Variants in CALD1 observed in about 807,000 individuals in gnomAD.
CALD1 encodes caldesmon 1.
Under a neutral mutation model 99.9 loss-of-function variants are expected in CALD1, and 33 were observed. The ratio of observed to expected loss-of-function variants is 0.33; its 90% CI spans 0.25 to 0.44. The LOEUF (loss-of-function observed/expected upper bound fraction) is 0.44. Among genes scored for constraint, CALD1 ranks in the 20% least tolerant of loss-of-function variants. The pLI is 1.00. For synonymous variants in CALD1, 310 were observed against 325.0 expected (o/e 0.95, Z 0.50); for missense variants, 861 against 962.1 (o/e 0.89, Z 1.39).
intron 1 of CALD1, among the ~76,000 whole-genome samples, chr7:134,834,473 G>C (rs1028170988): frequency 6.6e-6 from 1 of 152,180 alleles, no homozygotes; most frequent in Non-Finnish European, 1.5e-5. Flanking sequence ...GCAGAATGGT[G>C]TTCTACAAAA....
intron 1 of CALD1, among the ~76,000 whole-genome samples, chr7:134,782,256 C>T (rs893926078): frequency 1.3e-5 from 2 of 152,066 alleles, no homozygotes; most frequent in Non-Finnish European, 2.9e-5. Flanking sequence ...GGTCGGGGGA[C>T]AGGAAAAATG....
chr7:134,780,119 C>T (rs1222721880), intron 1 of CALD1, among the ~76,000 whole-genome samples: 2 of 152,230 alleles, frequency 1.3e-5, no homozygotes, highest in East Asian at 3.8e-4. Context: ...CACACAGTCT[C>T]TTCTGCATCT....
chr7:134,907,519 T>A (rs1803481191), intron 3 of CALD1, among the ~76,000 whole-genome samples: 1 of 152,164 alleles, frequency 6.6e-6, no homozygotes, highest in African/African-American at 2.4e-5. Context: ...TTCTTAAAAG[T>A]AAGACTAGGT....
chr7:134,875,715 A>G (rs966243338), intron 3 of CALD1, among the ~76,000 whole-genome samples: 5 of 152,240 alleles, frequency 3.3e-5, no homozygotes, highest in African/African-American at 9.6e-5. Context: ...TGAACTAAGG[A>G]AAGTCCTGCA....
chr7:134,774,713 C>T (rs1796903621), upstream of CALD1, among the ~76,000 whole-genome samples: 1 of 152,222 alleles, frequency 6.6e-6, no homozygotes, highest in South Asian at 2.1e-4. Flanking sequence ...GTCCTTCTTG[C>T]TGGCATCCTA....
intron 2 of CALD1, among the ~76,000 whole-genome samples, chr7:134,864,584 A>G (rs73452391): frequency 0.46 from 70,420 of 151,530 alleles, 17,067 homozygotes; most frequent in East Asian, 0.76. Flanking sequence ...GTGTTTAGTA[A>G]AGATGGGGTT....
chr7:134,884,532 A>C (rs1801759715), intron 3 of CALD1, among the ~76,000 whole-genome samples: 2 of 151,882 alleles, frequency 1.3e-5, no homozygotes, highest in African/African-American at 2.4e-5. Context: ...TAGAGAAGGC[A>C]TCAGTCTCTT....
intron 1 of CALD1, among the ~76,000 whole-genome samples, chr7:134,806,967 T>A (rs1328782893): frequency 2.0e-5 from 3 of 152,216 alleles, no homozygotes; most frequent in African/African-American, 7.2e-5. Context: ...ATTTCACCTA[T>A]TTATTCATTC....
At chr7:134,894,524 G>T (rs1178971427) in intron 3 of CALD1, among the ~76,000 whole-genome samples, 1 of 152,140 alleles carries the variant, frequency 6.6e-6, no homozygotes, top group African/African-American at 2.4e-5. Flanking sequence ...TTTGCTAGAC[G>T]TACTAGGTTA....
At chr7:134,864,072 T>G (rs909609529) in intron 2 of CALD1, among the ~76,000 whole-genome samples, 3 of 152,116 alleles carry the variant, frequency 2.0e-5, no homozygotes, top group African/African-American at 7.2e-5. Flanking sequence ...AAGGGCAGGC[T>G]GGGTGCGGTG....
intron 3 of CALD1, among the ~76,000 whole-genome samples, chr7:134,869,077 C>T (rs986175169): frequency 1.4e-4 from 21 of 151,848 alleles, no homozygotes; most frequent in Non-Finnish European, 2.5e-4. Flanking sequence ...AGCAGCATAG[C>T]CAGAGCTAAA....
intron 1 of CALD1, among the ~76,000 whole-genome samples, chr7:134,805,011 T>C (rs1431003395): frequency 2.0e-5 from 3 of 152,180 alleles, no homozygotes; most frequent in South Asian, 2.1e-4. Context: ...GGAGTGCTGA[T>C]TGGTCGGGTC....
intron 3 of CALD1, among the ~76,000 whole-genome samples, chr7:134,917,352 A>T (rs967601195): frequency 4.6e-5 from 7 of 152,038 alleles, no homozygotes; most frequent in African/African-American, 1.2e-4. Flanking sequence ...TTTAAAAAAA[A>T]TTTTTATTTT....
At chr7:134,730,138 G>A in the CALD1 span, among the ~76,000 whole-genome samples, 3 of 152,046 alleles carry the variant, frequency 2.0e-5, no homozygotes, top group African/African-American at 7.2e-5. Flanking sequence ...CAAAAGGCCT[G>A]AATCCAAACC....
chr7:134,934,665 C>A (rs1805819772), intron 5 of CALD1, among the ~76,000 whole-genome samples: 1 of 152,076 alleles, frequency 6.6e-6, no homozygotes, highest in South Asian at 2.1e-4. Context: ...GGGTGGATCA[C>A]AAGGTCAGGA....
At chr7:134,792,738 T>C (rs1260752226) in intron 1 of CALD1, among the ~76,000 whole-genome samples, 2 of 152,162 alleles carry the variant, frequency 1.3e-5, no homozygotes, top group Non-Finnish European at 2.9e-5. Context: ...AACATATGAA[T>C]ACTCGGGGGA....
At chr7:134,961,665 A>T (rs992614876) in intron 13 of CALD1, 4 of 152,230 alleles carry the variant, frequency 2.6e-5, no homozygotes, top group African/African-American at 9.6e-5. Flanking sequence ...ATAAAGGCTC[A>T]CAGGAGGTAT....
At chr7:134,785,029 C>T (rs1314457772) in intron 1 of CALD1, among the ~76,000 whole-genome samples, 1 of 152,134 alleles carries the variant, frequency 6.6e-6, no homozygotes, top group African/African-American at 2.4e-5. Context: ...TTACTCTAAT[C>T]CAGGCAGTGG....
chr7:134,747,579 T>C (rs1473423411), intron 1 of CALD1, among the ~76,000 whole-genome samples: 1 of 152,248 alleles, frequency 6.6e-6, no homozygotes, highest in East Asian at 1.9e-4. Flanking sequence ...TCATAGGTCC[T>C]GGAGTGCAGA....
Sources: gnomAD v4.1 joint callset for allele counts (sites outside exome capture counted in the v4.1 genomes callset) on GRCh38, gnomAD v4.1.1 for gene constraint, MANE v1.5 for transcripts, NCBI Gene and HGNC (gene_info 2026-07-23, HGNC 2026-07-21) for gene names.